TASP1: variants seen among roughly 807,000 people sequenced by gnomAD.
The protein encoded by TASP1 is taspase 1, also known as threonine aspartase 1.
Under a neutral mutation model 56.6 loss-of-function variants are expected in TASP1, and 16 were observed. The observed-to-expected ratio is 0.28, with a 90% CI of 0.19 to 0.43. TASP1 has a LOEUF of 0.43. TASP1 is among the 20% of genes least tolerant of loss of function. The pLI, the probability that TASP1 is intolerant of heterozygous loss-of-function variation, is 1.00. For synonymous variants in TASP1, 179 were observed against 184.2 expected, an observed-to-expected ratio of 0.97 and a Z score of 0.23; for missense variants, 393 against 511.6, an observed-to-expected ratio of 0.77 and a Z score of 2.24.
the TASP1 span, among the ~76,000 whole-genome samples, chr20:13,132,525 C>T: frequency 2.0e-5 from 3 of 152,140 alleles, no homozygotes; most frequent in Non-Finnish European, 2.9e-5. Context: ...GTATATGTAT[C>T]TGCTTATTAT....
chr20:13,223,188 A>AAAATAAAAT, the TASP1 span, among the ~76,000 whole-genome samples: 191 of 147,272 alleles, frequency 1.3e-3, no homozygotes, highest in African/African-American at 4.4e-3. Context: ...AAAATAAAAT[A>AAAATAAAAT]AAATAAATAA....
intron 10 of TASP1, among the ~76,000 whole-genome samples, chr20:13,525,497 C>G (rs971906011): frequency 1.3e-5 from 2 of 152,114 alleles, no homozygotes; most frequent in Non-Finnish European, 2.9e-5. Flanking sequence ...AGAGTTTATC[C>G]CTCAGGCTAA....
At chr20:13,520,238 C>G (rs574806593) in intron 10 of TASP1, among the ~76,000 whole-genome samples, 9 of 152,094 alleles carry the variant, frequency 5.9e-5, no homozygotes, top group African/African-American at 1.9e-4. Flanking sequence ...CATCAAGCTA[C>G]CAATGACTTT....
chr20:13,626,410 G>C (rs1007326256), intron 2 of TASP1, among the ~76,000 whole-genome samples: 13 of 152,192 alleles, frequency 8.5e-5, no homozygotes, highest in Non-Finnish European at 1.9e-4. Context: ...CTACGCAACA[G>C]AGTGAGACTT....
intron 4 of TASP1, among the ~76,000 whole-genome samples, chr20:13,594,358 G>T (rs769302003): frequency 6.6e-6 from 1 of 152,216 alleles, no homozygotes; most frequent in Non-Finnish European, 1.5e-5. Flanking sequence ...ATGGAACAAA[G>T]CTGGATGGAG....
At chr20:13,434,977 T>C (rs2042952024) in intron 12 of TASP1, 67 bp downstream of exon 12, 6 of 1,175,264 alleles carry the variant, frequency 5.1e-6, no homozygotes, top group Non-Finnish European at 7.3e-6. Flanking sequence ...CTTAAGGGTA[T>C]AAATATTTTC....
At chr20:13,542,534 C>T (rs868655133) in intron 8 of TASP1, among the ~76,000 whole-genome samples, 3 of 152,102 alleles carry the variant, frequency 2.0e-5, no homozygotes, top group African/African-American at 7.2e-5. Flanking sequence ...ACTGACAGAT[C>T]TCTGTACCCA....
chr20:13,434,817 T>C (rs2042946686), intron 12 of TASP1, among the ~76,000 whole-genome samples: 2 of 152,156 alleles, frequency 1.3e-5, no homozygotes, highest in African/African-American at 2.4e-5. Flanking sequence ...GGTCCTTGGT[T>C]CTAAGCTTAT....
At chr20:13,602,780 T>G (rs1385594403) in intron 4 of TASP1, among the ~76,000 whole-genome samples, 2 of 152,136 alleles carry the variant, frequency 1.3e-5, no homozygotes, top group Non-Finnish European at 1.5e-5. Flanking sequence ...CAGGCGGTAA[T>G]GCTCACTTGC....
chr20:13,443,950 C>G (rs1480813196), intron 11 of TASP1, among the ~76,000 whole-genome samples: 2 of 152,146 alleles, frequency 1.3e-5, no homozygotes, highest in African/African-American at 4.8e-5. Flanking sequence ...CAGATGTCCA[C>G]AACACACAAA....
chr20:13,311,258 TA>T, the TASP1 span, among the ~76,000 whole-genome samples: 73 of 118,624 alleles, frequency 6.2e-4, 1 homozygote, highest in African/African-American at 1.9e-3. Flanking sequence ...GATAGATAGA[TA>T]GATAGATAGA....
intron 7 of TASP1, among the ~76,000 whole-genome samples, chr20:13,560,850 A>C (rs79569765): frequency 0.017 from 2,584 of 152,298 alleles, 73 homozygotes; most frequent in African/African-American, 0.057. Context: ...TGAACACCCA[A>C]GATATAAACA....
chr20:13,527,083 C>A (rs1226232361), intron 10 of TASP1, among the ~76,000 whole-genome samples: 2 of 152,124 alleles, frequency 1.3e-5, no homozygotes, highest in African/African-American at 4.8e-5. Flanking sequence ...GGAGAAAGCA[C>A]AGAATTCACC....
chr20:13,217,978 G>A, the TASP1 span, among the ~76,000 whole-genome samples: 1 of 152,250 alleles, frequency 6.6e-6, no homozygotes, highest in African/African-American at 2.4e-5. Flanking sequence ...GGCTGGGCAC[G>A]TTGGCTCATG....
At chr20:13,405,118 A>G (rs1373053827) in intron 13 of TASP1, among the ~76,000 whole-genome samples, 2 of 152,192 alleles carry the variant, frequency 1.3e-5, no homozygotes, top group African/African-American at 2.4e-5. Context: ...TAAAGCAGCA[A>G]CTTCGCCTGA....
At chr20:13,142,575 C>T in the TASP1 span, among the ~76,000 whole-genome samples, 1 of 152,182 alleles carries the variant, frequency 6.6e-6, no homozygotes, top group Non-Finnish European at 1.5e-5. Context: ...CTTTCTATTT[C>T]TACATTACGA....
intron 10 of TASP1, among the ~76,000 whole-genome samples, chr20:13,501,891 A>G (rs1385992130): frequency 2.0e-5 from 3 of 152,014 alleles, no homozygotes; most frequent in African/African-American, 7.2e-5. Context: ...AATATTAAAC[A>G]AAGTTACATA....
intron 11 of TASP1, among the ~76,000 whole-genome samples, chr20:13,439,384 T>C (rs996206970): frequency 6.6e-6 from 1 of 152,184 alleles, no homozygotes; most frequent in Admixed American, 6.5e-5. Context: ...GAAACCATCA[T>C]TCTCAGCAAA....
chr20:13,294,586 A>G, the TASP1 span, among the ~76,000 whole-genome samples: 1 of 152,166 alleles, frequency 6.6e-6, no homozygotes, highest in Non-Finnish European at 1.5e-5. Flanking sequence ...ATGGTGTCTC[A>G]GTCAGGGTCC....
Sources: gnomAD v4.1 joint callset for allele counts (sites outside exome capture counted in the v4.1 genomes callset) on GRCh38, gnomAD v4.1.1 for gene constraint, MANE v1.5 for transcripts, NCBI Gene and HGNC (gene_info 2026-07-23, HGNC 2026-07-21) for gene names.